The following PIERCE2 variants were observed in gnomAD, a reference collection of about 807,000 sequenced individuals.
The protein encoded by PIERCE2 is piercer of microtubule wall 2.
chr15:55,415,261 A>G, the PIERCE2 span, among the ~76,000 whole-genome samples: 4 of 152,174 alleles, frequency 2.6e-5, no homozygotes, highest in East Asian at 5.8e-4. Flanking sequence ...TAAGGTCAGG[A>G]GTTGGAGACC....
At chr15:55,409,477 C>A in the PIERCE2 span, among the ~76,000 whole-genome samples, 2 of 152,172 alleles carry the variant, frequency 1.3e-5, no homozygotes, top group South Asian at 4.1e-4. Flanking sequence ...CATTCTCTGT[C>A]CCCTAATTGT....
At chr15:55,411,053 T>A in the PIERCE2 span, 1 of 152,208 alleles carries the variant, frequency 6.6e-6, no homozygotes, top group Non-Finnish European at 1.5e-5. Context: ...ACTACAAACT[T>A]ATGAGTATTA....
chr15:55,417,822 C>T, the PIERCE2 span: 13 of 248,614 alleles, frequency 5.2e-5, no homozygotes, highest in South Asian at 7.2e-4. Context: ...AGACAGTCAG[C>T]GAAGGGAGAT....
the PIERCE2 span, among the ~76,000 whole-genome samples, chr15:55,417,050 T>C: frequency 6.6e-6 from 1 of 151,480 alleles, no homozygotes; most frequent in Non-Finnish European, 1.5e-5. Flanking sequence ...ATTACTCACA[T>C]GGACTACTGC....
At chr15:55,408,891 C>A in the PIERCE2 span, 1 of 763,472 alleles carries the variant, frequency 1.3e-6, no homozygotes, top group Non-Finnish European at 2.1e-6. Context: ...CCCCGAAAAG[C>A]ACTTTACAAG....
chr15:55,416,893 G>A, the PIERCE2 span, among the ~76,000 whole-genome samples: 10 of 152,086 alleles, frequency 6.6e-5, no homozygotes, highest in African/African-American at 1.7e-4. Context: ...CCCGGGAGGC[G>A]GAGGTTGCAG....
At chr15:55,418,321 G>A in the PIERCE2 span, 1 of 1,544,800 alleles carries the variant, frequency 6.5e-7, no homozygotes, top group African/African-American at 1.4e-5. Flanking sequence ...TTTCATGTAT[G>A]TTGGATCCAA....
the PIERCE2 span, chr15:55,411,113 A>T: frequency 6.6e-6 from 1 of 152,224 alleles, no homozygotes; most frequent in Non-Finnish European, 1.5e-5. Context: ...ATTAACCTGT[A>T]GGTTTCAGAA....
At chr15:55,416,942 C>T in the PIERCE2 span, among the ~76,000 whole-genome samples, 1 of 152,120 alleles carries the variant, frequency 6.6e-6, no homozygotes, top group African/African-American at 2.4e-5. Flanking sequence ...GCCTGGATGA[C>T]AGAGCGAGAC....
chr15:55,416,721 G>C, the PIERCE2 span, among the ~76,000 whole-genome samples: 1 of 152,016 alleles, frequency 6.6e-6, no homozygotes, highest in African/African-American at 2.4e-5. Flanking sequence ...CACTTTGTGA[G>C]GCCAAGGTAG....
the PIERCE2 span, among the ~76,000 whole-genome samples, chr15:55,411,933 T>C: frequency 1.4e-5 from 2 of 148,012 alleles, no homozygotes; most frequent in African/African-American, 4.9e-5. Context: ...CAAAAAAAAA[T>C]AAATAAATTT....
At chr15:55,415,056 C>T in the PIERCE2 span, among the ~76,000 whole-genome samples, 2 of 152,172 alleles carry the variant, frequency 1.3e-5, no homozygotes, top group African/African-American at 2.4e-5. Flanking sequence ...TATCTTACAT[C>T]AATGTAAGGT....
At chr15:55,412,996 C>T in the PIERCE2 span, among the ~76,000 whole-genome samples, 18 of 152,178 alleles carry the variant, frequency 1.2e-4, no homozygotes, top group African/African-American at 3.9e-4. Flanking sequence ...AGGCTGGGCG[C>T]GGTGGTGCGC....
chr15:55,409,415 A>C, the PIERCE2 span, among the ~76,000 whole-genome samples: 529 of 152,290 alleles, frequency 3.5e-3, 2 homozygotes, highest in South Asian at 5.8e-3. Flanking sequence ...CAAAAAAAAA[A>C]AATCTTACAT....
chr15:55,414,023 G>C, the PIERCE2 span, among the ~76,000 whole-genome samples: 2 of 150,686 alleles, frequency 1.3e-5, no homozygotes, highest in African/African-American at 4.9e-5. Context: ...TCAGCCTCCC[G>C]AGTAGCTGGG....
chr15:55,414,991 G>A, the PIERCE2 span, among the ~76,000 whole-genome samples: 1 of 152,218 alleles, frequency 6.6e-6, no homozygotes, highest in Admixed American at 6.5e-5. Context: ...GCACTTTAGA[G>A]AATACCCAGT....
At chr15:55,414,732 G>C in the PIERCE2 span, among the ~76,000 whole-genome samples, 1 of 151,910 alleles carries the variant, frequency 6.6e-6, no homozygotes, top group Non-Finnish European at 1.5e-5. Flanking sequence ...ACAAAAATTA[G>C]CTGGGCATGG....
the PIERCE2 span, among the ~76,000 whole-genome samples, chr15:55,412,830 T>A: frequency 3.3e-5 from 5 of 152,088 alleles, no homozygotes; most frequent in Non-Finnish European, 7.4e-5. Flanking sequence ...TTTATAGTAC[T>A]TTTAAGTTAA....
chr15:55,416,885 C>G, the PIERCE2 span, among the ~76,000 whole-genome samples: 1 of 152,066 alleles, frequency 6.6e-6, no homozygotes, highest in African/African-American at 2.4e-5. Flanking sequence ...TGCTTGAACC[C>G]GGGAGGCGGA....
Sources: allele counts gnomAD v4.1 joint callset (sites outside exome capture counted in the v4.1 genomes callset), GRCh38; gene constraint gnomAD v4.1.1; transcripts MANE v1.5; gene names NCBI Gene and HGNC (gene_info 2026-07-23, HGNC 2026-07-21).